Variants in NUP98 observed in about 807,000 individuals in gnomAD.
The protein encoded by NUP98 is nucleoporin 98 and 96 precursor, also known as nuclear pore complex protein Nup98-Nup96.
A neutral mutation model predicts 191.9 loss-of-function variants in NUP98; 26 were observed. That is an observed-to-expected ratio of 0.14 (90% CI 0.10 to 0.19). The LOEUF (loss-of-function observed/expected upper bound fraction) is 0.19, where lower values mean the gene tolerates loss of function less well. Among genes scored for constraint, NUP98 ranks in the 10% least tolerant of loss-of-function variants. The probability of loss-of-function intolerance (pLI) is 1.00; values close to 1 mark genes in which losing one functional copy is unlikely to be tolerated. For missense variants in NUP98, 1,941 were observed against 2,178.8 expected (o/e 0.89, Z 2.17); for synonymous variants, 808 against 778.4 (o/e 1.04, Z -0.63).
intron 28 of NUP98, among the ~76,000 whole-genome samples, chr11:3,687,398 A>G (rs1342384006): frequency 6.6e-6 from 1 of 152,144 alleles, no homozygotes; most frequent in Non-Finnish European, 1.5e-5. Flanking sequence ...TTGAAGTCCA[A>G]TTTACCAATT....
In NUP98 at chr11:3,698,478, A is replaced by C. The variant is rs187863645; in HGVS notation, c.4009+604T>G. ...TGCAGTGGCTCACACCTGTAATTCC[A>C]GCACTTTGGGAGGCCAAGGTGGGTG... is the stretch of plus-strand genomic sequence containing the variant. On this transcript the variant is annotated intron_variant, in intron 25 of 32. Coordinates refer to ENST00000324932, the MANE Select transcript of NUP98 (RefSeq NM_016320.5). 7.3e-3 allele frequency among the ~76,000 whole-genome samples: 1,106 copies of C among 152,118 alleles called. 18 individuals are homozygous for C. The highest frequency in any genetic ancestry group is 0.024 in the African/African-American group (991 of 41,508).
intron 25 of NUP98, among the ~76,000 whole-genome samples, chr11:3,698,440 T>C (rs1487923723): frequency 1.3e-5 from 2 of 151,854 alleles, no homozygotes; most frequent in Non-Finnish European, 2.9e-5. Context: ...TTAGAAGACA[T>C]AGTTCGGCTG....
chr11:3,691,892 T>A (rs1039895132), intron 27 of NUP98, among the ~76,000 whole-genome samples: 1 of 152,096 alleles, frequency 6.6e-6, no homozygotes, highest in South Asian at 2.1e-4. Context: ...GACACCTGTA[T>A]TAAGAATGAA....
At chr11:3,775,215 CT>C (rs2081670814) in intron 5 of NUP98, among the ~76,000 whole-genome samples, 1 of 152,136 alleles carries the variant, frequency 6.6e-6, no homozygotes, top group South Asian at 2.1e-4. Flanking sequence ...TATTTGCCCC[CT>C]ATTCTTTATT....
At chr11:3,766,289 G>A (rs916018692) in intron 8 of NUP98, among the ~76,000 whole-genome samples, 1 of 151,836 alleles carries the variant, frequency 6.6e-6, no homozygotes, top group Non-Finnish European at 1.5e-5. Flanking sequence ...TGAGAGGATC[G>A]CTTAGCCCAG....
chr11:3,796,531 C>T (rs926767301), intron 1 of NUP98, among the ~76,000 whole-genome samples: 2 of 152,236 alleles, frequency 1.3e-5, no homozygotes, highest in Middle Eastern at 3.2e-3. Flanking sequence ...AAGCTTCCAC[C>T]TTACCCGTGA....
chr11:3,713,141 C>T (rs2079070271), intron 19 of NUP98, among the ~76,000 whole-genome samples: 1 of 152,160 alleles, frequency 6.6e-6, no homozygotes, highest in African/African-American at 2.4e-5. Flanking sequence ...GGACAGTCAA[C>T]CTCTTCATCT....
intron 21 of NUP98, among the ~76,000 whole-genome samples, chr11:3,705,996 C>CAAAAAAAA (rs66628165): frequency 8.0e-5 from 8 of 99,434 alleles, no homozygotes; most frequent in Admixed American, 1.3e-4. Context: ...ACTAAAAATA[C>CAAAAAAAA]AAAAAAAAAA....
chr11:3,746,820 G>A (rs754987185), intron 11 of NUP98, among the ~76,000 whole-genome samples: 51 of 151,722 alleles, frequency 3.4e-4, no homozygotes, highest in Non-Finnish European at 3.8e-4. Flanking sequence ...GGCTGAAGCA[G>A]GAGAATCGCT....
chr11:3,735,573 A>G (rs1167980851), intron 12 of NUP98, among the ~76,000 whole-genome samples: 2 of 152,134 alleles, frequency 1.3e-5, no homozygotes, highest in African/African-American at 4.8e-5. Flanking sequence ...ATTCACTTAC[A>G]CAGTGTTCAC....
chr11:3,725,271 T>C lies in NUP98; in HGVS notation c.1731-52A>G, dbSNP rs777952686. The C allele has an allele frequency of 1.8e-5, 15 of 815,676 alleles. No homozygotes were observed. The East Asian group carries it at 3.7e-4, about 20-fold the overall frequency. 50.5% of individuals were successfully genotyped at this position (815,676 alleles called of 1,614,324 possible). ...GAAAAAAATTACTCAGGCATACAGA[T>C]ATGTCCCAGACATTATCTTAAAAAC... On this transcript the variant is annotated intron_variant, in intron 14 of 32. Coordinates refer to ENST00000324932, the MANE Select transcript of NUP98 (RefSeq NM_016320.5).
chr11:3,719,535 T>C lies in NUP98; in HGVS notation c.2276A>G (p.Tyr759Cys). Residue 759 changes from tyrosine (Y) to cysteine (C), a missense_variant, in exon 18 of 33, where the codon TAT (tyrosine) becomes TGT (cysteine). Transcript: ENST00000324932. The stretch of plus-strand genomic sequence containing the variant: ...TGTCAAATTCACATCTCCTTCAAAA[T>C]AGATTGAACCATAACCTATAAATCA... The part of the protein sequence containing the change: ...TIGRKGYGSI[Y>C]FEGDVNLTNL... The C allele has an allele frequency of 6.3e-7, 1 of 1,585,608 alleles. No homozygotes were observed. The highest frequency in any genetic ancestry group is 1.2e-5 in the South Asian group (1 of 85,628).
intron 14 of NUP98, among the ~76,000 whole-genome samples, chr11:3,728,687 C>G (rs1033935274): frequency 6.6e-6 from 1 of 151,788 alleles, no homozygotes; most frequent in African/African-American, 2.4e-5. Context: ...TGCAGTGAGC[C>G]GAGATGGGGC....
At chr11:3,752,879 T>G (rs1220979893) in intron 11 of NUP98, among the ~76,000 whole-genome samples, 1 of 152,186 alleles carries the variant, frequency 6.6e-6, no homozygotes, top group Non-Finnish European at 1.5e-5. Context: ...CTGGTCTATA[T>G]GACAATGGAA....
At chr11:3,749,314 C>CA (rs1427344697) in intron 11 of NUP98, among the ~76,000 whole-genome samples, 193 of 130,826 alleles carry the variant, frequency 1.5e-3, no homozygotes, top group Middle Eastern at 4.9e-3. Context: ...GACTCCGTCT[C>CA]AAAAAAAAAA....
chr11:3,726,570 C>T (rs2079627465), intron 14 of NUP98, among the ~76,000 whole-genome samples: 2 of 147,834 alleles, frequency 1.4e-5, no homozygotes, highest in Admixed American at 1.3e-4. Flanking sequence ...AACTTTATGC[C>T]AATAAATTTG....
intron 1 of NUP98, among the ~76,000 whole-genome samples, chr11:3,782,688 G>A (rs550469378): frequency 4.8e-5 from 7 of 147,120 alleles, no homozygotes; most frequent in Non-Finnish European, 1.0e-4. Context: ...GATTACAAGC[G>A]TGTGTCACCA....
intron 23 of NUP98, among the ~76,000 whole-genome samples, chr11:3,701,255 ATTTT>A (rs71041374): frequency 3.8e-4 from 48 of 125,818 alleles, no homozygotes; most frequent in Non-Finnish European, 5.5e-4. Flanking sequence ...GCTTGTTCCA[ATTTT>A]TTTTTTTTTT....
chr11:3,744,408 G>T, intron 12 of NUP98, 101 bp downstream of exon 12: 1 of 1,175,192 alleles, frequency 8.5e-7, no homozygotes. Context: ...ATGCATGTAT[G>T]CAATGCCTTG....
Sources: gnomAD v4.1 joint callset for allele counts (sites outside exome capture counted in the v4.1 genomes callset) on GRCh38, gnomAD v4.1.1 for gene constraint, MANE v1.5 for transcripts, NCBI Gene and HGNC (gene_info 2026-07-23, HGNC 2026-07-21) for gene names.